The following FHOD3 variants were observed in gnomAD, a reference collection of about 807,000 sequenced individuals.
FHOD3 encodes the protein formin homology 2 domain containing 3, also known as FH1/FH2 domain-containing protein 3.
A neutral mutation model predicts 173.0 loss-of-function variants in FHOD3; 90 were observed. That is an observed-to-expected ratio of 0.52 (90% CI 0.44 to 0.62). FHOD3 has a LOEUF of 0.62. FHOD3 is among the 20% of genes least tolerant of loss of function. FHOD3 has a pLI of 0.00. For synonymous variants in FHOD3, 828 were observed against 823.0 expected, an observed-to-expected ratio of 1.01 and a Z score of -0.10; for missense variants, 1,945 against 2,034.7, an observed-to-expected ratio of 0.96 and a Z score of 0.85.
At chr18:36,313,624 G>A (rs1339670455) in intron 1 of FHOD3, among the ~76,000 whole-genome samples, 1 of 152,226 alleles carries the variant, frequency 6.6e-6, no homozygotes, top group Non-Finnish European at 1.5e-5. Flanking sequence ...TGATTGCAGA[G>A]CAGTTTCCCC....
intron 1 of FHOD3, among the ~76,000 whole-genome samples, chr18:36,301,031 C>T (rs187171944): frequency 2.6e-4 from 39 of 152,292 alleles, no homozygotes; most frequent in Admixed American, 1.4e-3. Flanking sequence ...TGTGAGCCAC[C>T]GTGCCTGGCT....
intron 1 of FHOD3, among the ~76,000 whole-genome samples, chr18:36,303,271 T>C (rs1225077486): frequency 6.6e-6 from 1 of 152,112 alleles, no homozygotes; most frequent in African/African-American, 2.4e-5. Flanking sequence ...AGATTTAAGG[T>C]CATCTTTTTT....
intron 10 of FHOD3, among the ~76,000 whole-genome samples, chr18:36,642,259 A>G (rs2035364988): frequency 6.6e-6 from 1 of 152,206 alleles, no homozygotes; most frequent in Non-Finnish European, 1.5e-5. Flanking sequence ...TATATAACAG[A>G]CATGTATATG....
At chr18:36,690,599 A>C (rs1008723886) in intron 16 of FHOD3, among the ~76,000 whole-genome samples, 3 of 152,110 alleles carry the variant, frequency 2.0e-5, no homozygotes, top group African/African-American at 7.2e-5. Context: ...AACACCGTAA[A>C]TGCCTGTGGC....
At chr18:36,770,935 A>G (rs1188683287) in intron 28 of FHOD3, among the ~76,000 whole-genome samples, 3 of 152,196 alleles carry the variant, frequency 2.0e-5, no homozygotes, top group Non-Finnish European at 4.4e-5. Context: ...CATTTTTTAA[A>G]TGGAAAACTA....
intron 15 of FHOD3, among the ~76,000 whole-genome samples, chr18:36,686,903 A>G (rs1273326411): frequency 1.3e-5 from 2 of 152,164 alleles, no homozygotes; most frequent in Non-Finnish European, 2.9e-5. Context: ...GAATCCAATA[A>G]TCCTATGTTT....
chr18:36,415,284 A>G (rs866750794), intron 3 of FHOD3, among the ~76,000 whole-genome samples: 23 of 152,196 alleles, frequency 1.5e-4, no homozygotes, highest in Non-Finnish European at 1.5e-5. Context: ...TGTTTGTTCA[A>G]TCATATTTCA....
At chr18:36,509,720 G>A (rs2055528513) in intron 4 of FHOD3, among the ~76,000 whole-genome samples, 1 of 152,174 alleles carries the variant, frequency 6.6e-6, no homozygotes, top group Non-Finnish European at 1.5e-5. Flanking sequence ...GTTGTCTTTT[G>A]TATATGTTTA....
intron 3 of FHOD3, among the ~76,000 whole-genome samples, chr18:36,379,535 A>G (rs2047628841): frequency 6.6e-6 from 1 of 152,226 alleles, no homozygotes. Flanking sequence ...TCACTTAACA[A>G]GGAACATGAA....
intron 9 of FHOD3, among the ~76,000 whole-genome samples, chr18:36,622,424 A>ATGTCACCTTAAGTTGCCCCTAACTGC (rs1178044444): frequency 1.1e-4 from 16 of 152,228 alleles, no homozygotes; most frequent in Non-Finnish European, 2.4e-4. Flanking sequence ...GTGGTTACAG[A>ATGTCACCTTAAGTTGCCCCTAACTGC]TGTCACCTTA....
chr18:36,717,032 A>G (rs1267261880), intron 18 of FHOD3, among the ~76,000 whole-genome samples: 1 of 151,872 alleles, frequency 6.6e-6, no homozygotes, highest in Non-Finnish European at 1.5e-5. Flanking sequence ...GGAGTGGGTT[A>G]CTAATGCACA....
In FHOD3 at chr18:36,652,835, G is replaced by C. The variant is rs1372200086; in HGVS notation, c.1552G>C (p.Val518Leu). ...ACCGACCATAGACAAGCTGCCCTAC[G>C]TGCCCCACAGCCCCTTCCACCTCTT... ...VSPTIDKLPY[V>L]PHSPFHLFSY... Residue 518 changes from valine to leucine, a missense_variant, in exon 12 of 29, where the codon GTG becomes CTG. Around this residue, in one of 5 missense-constraint regions of FHOD3, gnomAD observed 1,099 missense variants for 1,051.2 expected, o/e 1.05. Coordinates refer to ENST00000590592, the MANE Select transcript of FHOD3 (RefSeq NM_001281740.3). 6.5e-7 allele frequency: 1 copy of C among 1,535,902 alleles called. No homozygotes were observed. The highest frequency in any genetic ancestry group is 1.2e-5 in the South Asian group (1 of 84,056).
intron 5 of FHOD3, among the ~76,000 whole-genome samples, chr18:36,575,882 TATC>T (rs1467438882): frequency 7.2e-5 from 11 of 152,262 alleles, no homozygotes; most frequent in Admixed American, 7.2e-4. Flanking sequence ...GAATGTGTGA[TATC>T]ATGTATTTTC....
intron 18 of FHOD3, chr18:36,709,614 C>T: frequency 1.8e-6 from 1 of 554,976 alleles, no homozygotes; most frequent in Non-Finnish European, 3.2e-6. Context: ...CTGTCTGCCA[C>T]ACCATCACAT....
intron 5 of FHOD3, among the ~76,000 whole-genome samples, chr18:36,536,439 C>T (rs551601825): frequency 1.3e-5 from 2 of 152,340 alleles, no homozygotes; most frequent in South Asian, 2.1e-4. Flanking sequence ...AAGAAGTCAG[C>T]GCCCGCTGTG....
intron 4 of FHOD3, among the ~76,000 whole-genome samples, chr18:36,505,699 T>G (rs1416574341): frequency 6.6e-6 from 1 of 152,196 alleles, no homozygotes. Flanking sequence ...TTGACAAGTT[T>G]GCCAAGGTCA....
At chr18:36,406,200 G>A (rs73949478) in intron 3 of FHOD3, among the ~76,000 whole-genome samples, 3,113 of 152,054 alleles carry the variant, frequency 0.02, 91 homozygotes, top group Admixed American at 0.086. Flanking sequence ...TCATCATGCT[G>A]GTGCTGGGTC....
intron 9 of FHOD3, among the ~76,000 whole-genome samples, chr18:36,617,447 G>A (rs2033301208): frequency 6.6e-6 from 1 of 152,150 alleles, no homozygotes; most frequent in South Asian, 2.1e-4. Context: ...TTGATATATG[G>A]ATAACAGCTT....
At chr18:36,670,956 T>A (rs1396991308) in intron 14 of FHOD3, among the ~76,000 whole-genome samples, 1 of 152,254 alleles carries the variant, frequency 6.6e-6, no homozygotes, top group Non-Finnish European at 1.5e-5. Flanking sequence ...TTTAACCAGT[T>A]CCCTCTGAAT....
Sources: allele counts gnomAD v4.1 joint callset (sites outside exome capture counted in the v4.1 genomes callset), GRCh38; gene constraint gnomAD v4.1.1; regional missense constraint gnomAD v4.1.1; transcripts MANE v1.5; gene names NCBI Gene and HGNC (gene_info 2026-07-23, HGNC 2026-07-21).